CNOT6: variants seen among roughly 807,000 people sequenced by gnomAD.
The protein encoded by CNOT6 is CCR4-NOT transcription complex subunit 6.
A neutral mutation model predicts 61.2 loss-of-function variants in CNOT6; 12 were observed. That is an observed-to-expected ratio of 0.20 (90% CI 0.13 to 0.32). CNOT6 has a LOEUF of 0.32. CNOT6 is among the 10% of genes least tolerant of loss of function. The pLI, the probability that CNOT6 is intolerant of heterozygous loss-of-function variation, is 1.00. For missense variants in CNOT6, 405 were observed against 663.9 expected (o/e 0.61, Z 4.28); for synonymous variants, 225 against 240.6 (o/e 0.94, Z 0.60).
intron 3 of CNOT6, among the ~76,000 whole-genome samples, chr5:180,550,679 A>C (rs1759551882): frequency 6.6e-6 from 1 of 152,124 alleles, no homozygotes; most frequent in African/African-American, 2.4e-5. Flanking sequence ...TTGGACAGAG[A>C]GTGGGTAGAC....
intron 1 of CNOT6, among the ~76,000 whole-genome samples, chr5:180,521,570 A>T (rs1045328818): frequency 1.3e-5 from 2 of 152,166 alleles, no homozygotes; most frequent in Admixed American, 6.5e-5. Flanking sequence ...AAATAGTTTC[A>T]AGTTTTATTT....
intron 1 of CNOT6, among the ~76,000 whole-genome samples, chr5:180,528,562 G>A (rs534303375): frequency 2.0e-5 from 3 of 152,102 alleles, no homozygotes; most frequent in South Asian, 2.1e-4. Flanking sequence ...TGATTCACCC[G>A]CCTCGGCCTC....
Position 180,564,753 on chromosome 5 carries a change from CT to C in CNOT6, c.559+14del. 1.2e-6 allele frequency: 2 copies of C among 1,604,652 alleles called. No homozygotes were observed. The highest frequency in any genetic ancestry group is 1.7e-6 in the Non-Finnish European group (2 of 1,171,996). On this transcript the variant is annotated intron_variant, in intron 6 of 11. Transcript: ENST00000261951. ...AGGACAAGGCCAACTGGTTGGTAGT[CT>C]TTTATTTTTTAACTGTTATTTTTGC...
chr5:180,509,225 G>A (rs1378770742), intron 1 of CNOT6, among the ~76,000 whole-genome samples: 1 of 152,106 alleles, frequency 6.6e-6, no homozygotes, highest in Non-Finnish European at 1.5e-5. Context: ...TCCGCCTCCT[G>A]GGCTCAAGCC....
intron 3 of CNOT6, among the ~76,000 whole-genome samples, chr5:180,552,640 C>T (rs1343495883): frequency 2.3e-5 from 3 of 128,086 alleles, no homozygotes; most frequent in South Asian, 2.6e-4. Context: ...AGCGAGACTC[C>T]GTCTCAAAAA....
chr5:180,553,531 G>T (rs2127748629), intron 4 of CNOT6, 60 bp downstream of exon 4: 2 of 1,263,250 alleles, frequency 1.6e-6, no homozygotes, highest in South Asian at 1.3e-5. Flanking sequence ...ATCTAAAGAA[G>T]CCAAGAAGCT....
rs1272207724 is a variant in CNOT6, at chr5:180,571,236, T to C, written c.1265T>C (p.Val422Ala). The C allele has an allele frequency of 5.6e-6, 9 of 1,612,510 alleles. No individual in the cohort carries two copies. The highest frequency in any genetic ancestry group is 6.8e-6 in the Non-Finnish European group (8 of 1,178,650). Reference sequence around the variant, plus strand: ...AAATTTGTCTTCATTGTAGGTGTTGTAGAATATTTGAGCACAGGTGGAGTA... The same window carrying C: ...AAATTTGTCTTCATTGTAGGTGTTGCAGAATATTTGAGCACAGGTGGAGTA... ...DLNSLPDSGV[V>A]EYLSTGGVET... The change falls in exon 11 of 12, where the codon GTA (valine) becomes GCA (alanine). Residue 422 changes from valine to alanine, a missense_variant. Physicochemically the swap from Val to Ala is moderately conservative, Grantham distance 64 (BLOSUM62 0). This residue lies in a region of CNOT6 where 116 missense variants were observed against 184.6 expected (regional missense o/e 0.63). Transcript: ENST00000261951.
Position 180,565,801 on chromosome 5 carries a change from AAAGTT to A in CNOT6, c.560-17_560-13del, listed in dbSNP as rs1760420248. On this transcript the variant is annotated splice_polypyrimidine_tract_variant and intron_variant, in intron 6 of 11. Transcript: ENST00000261951. ...TTTTCTGCCACATGTGTGAATAAGT[AAAGTT>A]ATCTTTCCTACAGCCTTGTTTTCTG... The A allele has an allele frequency of 1.3e-6, 2 of 1,548,040 alleles. No individual in the cohort carries two copies. The highest frequency in any genetic ancestry group is 1.7e-6 in the Non-Finnish European group (2 of 1,143,912).
chr5:180,556,777 C>G (rs1561659151), intron 4 of CNOT6, among the ~76,000 whole-genome samples: 1 of 152,074 alleles, frequency 6.6e-6, no homozygotes, highest in Non-Finnish European at 1.5e-5. Flanking sequence ...ATGGTGAAAC[C>G]CCGTCACTAC....
intron 1 of CNOT6, among the ~76,000 whole-genome samples, chr5:180,507,597 C>T (rs763429250): frequency 4.2e-5 from 6 of 141,800 alleles, no homozygotes; most frequent in South Asian, 2.3e-4. Flanking sequence ...AGCGAGACTC[C>T]GTTTTAAAAA....
At chr5:180,533,662 G>A (rs143636204) in intron 2 of CNOT6, among the ~76,000 whole-genome samples, 6 of 152,128 alleles carry the variant, frequency 3.9e-5, no homozygotes, top group South Asian at 2.1e-4. Context: ...CAGTCCTCCC[G>A]CGTTAGCCTC....
Position 180,508,074 on chromosome 5 carries a change from A to G in CNOT6, c.-3+13311A>G, listed in dbSNP as rs142625186. Among the ~76,000 whole-genome samples the G allele has an allele frequency of 3.2e-3, 372 of 114,894 alleles. 1 individual carries two copies. The highest frequency in any genetic ancestry group is 5.5e-3 in the Non-Finnish European group (269 of 48,902). 75.4% of individuals were successfully genotyped at this position (114,894 alleles called of 152,430 possible). On this transcript the variant is annotated intron_variant, in intron 1 of 11. Coordinates refer to ENST00000261951, the MANE Select transcript of CNOT6 (RefSeq NM_001370472.1). ...AGACCGTATCTAGGATGGATTAGAG[A>G]TGGGGAGAGTGGTGGAGGAAAGACT...
At chr5:180,510,134 C>CTT (rs56899929) in intron 1 of CNOT6, among the ~76,000 whole-genome samples, 490 of 37,356 alleles carry the variant, frequency 0.013, 47 homozygotes, top group Middle Eastern at 0.036. Flanking sequence ...GTCTGTAAAC[C>CTT]TTTTTTTTTT....
chr5:180,565,658 G>A (rs1210429453), intron 6 of CNOT6, among the ~76,000 whole-genome samples, 162 bp from the exon 7 acceptor site: 2 of 152,042 alleles, frequency 1.3e-5, no homozygotes, highest in African/African-American at 4.8e-5. Context: ...TGCATTATCC[G>A]TCTTTTATTT....
At chr5:180,496,462 A>T (rs1167927836) in intron 1 of CNOT6, among the ~76,000 whole-genome samples, 2 of 151,978 alleles carry the variant, frequency 1.3e-5, no homozygotes, top group African/African-American at 4.8e-5. Flanking sequence ...TTTTGGGAGG[A>T]GGGAGGGTAT....
At chr5:180,565,262 A>G (rs1760395542) in intron 6 of CNOT6, among the ~76,000 whole-genome samples, 1 of 152,256 alleles carries the variant, frequency 6.6e-6, no homozygotes, top group South Asian at 2.1e-4. Context: ...CTACCGAGTT[A>G]TAAGAGAGCC....
In CNOT6 at chr5:180,577,239, A is replaced by G. The variant is rs1292813995; in HGVS notation, c.*3039A>G. ...CAACCAGGAAAACTTACTTGGGATT[A>G]TTAGCACTTTCAAACTTAGGGACAT... On this transcript the variant is annotated 3_prime_UTR_variant, in exon 12 of 12. Coordinates refer to ENST00000261951, the MANE Select transcript of CNOT6 (RefSeq NM_001370472.1). 2.0e-5 allele frequency: 3 copies of G among 151,930 alleles called. No homozygotes were observed. Among genetic ancestry groups the G allele is most frequent in the Non-Finnish European group, 2.9e-5 (2 of 67,932 alleles). 9.4% of individuals were successfully genotyped at this position (151,930 alleles called of 1,614,324 possible). A position where few individuals can be genotyped will look rare whatever the true frequency, so the allele number is the denominator to read the frequency against.
At chr5:180,535,455 A>T (rs1040236584) in intron 2 of CNOT6, among the ~76,000 whole-genome samples, 1 of 152,198 alleles carries the variant, frequency 6.6e-6, no homozygotes, top group Non-Finnish European at 1.5e-5. Flanking sequence ...AACGGCCTCC[A>T]GTTCTGTCCA....
In CNOT6 at chr5:180,551,286, G is replaced by A. The variant is rs4700960; in HGVS notation, c.299+1169G>A. ...GTGGAGGGATGGCTTGAGCCCAGGAGGTTGAGGTTGCAGTGAGCAGAGATC... is the reference window on the plus strand; with the variant it reads ...GTGGAGGGATGGCTTGAGCCCAGGAAGTTGAGGTTGCAGTGAGCAGAGATC... On this transcript the variant is annotated intron_variant, in intron 3 of 11. Coordinates refer to ENST00000261951, the MANE Select transcript of CNOT6 (RefSeq NM_001370472.1). Among the ~76,000 whole-genome samples, 905 of 152,288 alleles carry A rather than the reference G, an allele frequency of 5.9e-3. 43 individuals are homozygous for A. The highest frequency in any genetic ancestry group is 0.052 in the Admixed American group (790 of 15,290).
Sources: gnomAD v4.1 joint callset for allele counts (sites outside exome capture counted in the v4.1 genomes callset) on GRCh38, gnomAD v4.1.1 for gene constraint, gnomAD v4.1.1 regional missense constraint, MANE v1.5 for transcripts, NCBI Gene and HGNC (gene_info 2026-07-23, HGNC 2026-07-21) for gene names.